Variants in ZBTB18 observed in about 807,000 individuals in gnomAD.
The protein encoded by ZBTB18 is zinc finger and BTB domain containing 18.
ZBTB18 carries 2 observed loss-of-function variants against 37.7 expected under a neutral mutation model. The ratio of observed to expected loss-of-function variants is 0.05; its 90% confidence interval spans 0.02 to 0.17. The LOEUF (loss-of-function observed/expected upper bound fraction) is 0.17, where lower values mean the gene tolerates loss of function less well. Ranked by LOEUF, ZBTB18 falls within the 10% of genes least tolerant of loss-of-function variation. ZBTB18 has a pLI of 1.00. For missense variants in ZBTB18, 408 were observed against 686.3 expected (o/e 0.59, Z 4.53); for synonymous variants, 304 against 276.5 (o/e 1.10, Z -0.99).
At position 244,053,785 on chromosome 1, in the gene ZBTB18, C is replaced by A. The variant is rs1325807562; in HGVS notation, c.14-3C>A. 6.2e-7 allele frequency: 1 copy of A among 1,603,046 alleles called. No individual in the cohort carries two copies. The highest frequency in any genetic ancestry group is 1.3e-5 in the African/African-American group (1 of 74,566). Reference sequence around the variant, plus strand: ...CTCTAATGAGAAATTCCTCTCTCCCCAGGTTATGAAGACAGTATGGAGTTT... The same window carrying A: ...CTCTAATGAGAAATTCCTCTCTCCCAAGGTTATGAAGACAGTATGGAGTTT... On this transcript the variant is annotated splice_polypyrimidine_tract_variant and splice_region_variant and intron_variant, in intron 1 of 1. Coordinates refer to ENST00000358704, the MANE Select transcript of ZBTB18 (RefSeq NM_205768.3). This position sits in a 1 kb window ranked among gnomAD's most constrained non-coding sequence, Gnocchi z 5.2.
chr1:244,055,306 C>T lies in ZBTB18; in HGVS notation c.1532C>T (p.Ala511Val), dbSNP rs1190832110. ...AACTCCTTGTCGGTCAAAAGCGAAGCACTGAGCTTGCCTACTGTCAGAGAC... is the reference window on the plus strand; with the variant it reads ...AACTCCTTGTCGGTCAAAAGCGAAGTACTGAGCTTGCCTACTGTCAGAGAC... ...LVNSLSVKSE[A>V]LSLPTVRDWT... Residue 511 changes from alanine to valine, a missense_variant, in exon 2 of 2, where the codon GCA (alanine) becomes GTA (valine). Ala to Val is a moderately conservative substitution (Grantham distance 64, BLOSUM62 0). This residue lies in a region of ZBTB18 where 22 missense variants were observed against 38.3 expected (regional missense o/e 0.57). Coordinates refer to ENST00000358704, the MANE Select transcript of ZBTB18 (RefSeq NM_205768.3). The surrounding 1 kb of genome is among the most constrained non-coding windows in gnomAD (Gnocchi z 7.0). The T allele has an allele frequency of 1.2e-6, 2 of 1,613,350 alleles. No homozygotes were observed. Among genetic ancestry groups the T allele is most frequent in the East Asian group, 2.2e-5 (1 of 44,850 alleles).
rs1374988858 is a variant in ZBTB18, at chr1:244,056,283, G to C, written c.*913G>C. ...ATAACACCATTTGGAAAAAAAAACT[G>C]GTGTTATGAAGAACGTAAATGCACT... On this transcript the variant is annotated 3_prime_UTR_variant, in exon 2 of 2. Coordinates refer to ENST00000358704, the MANE Select transcript of ZBTB18 (RefSeq NM_205768.3). The C allele has an allele frequency of 6.0e-6, 1 of 166,870 alleles. No individual in the cohort carries two copies. Among genetic ancestry groups the C allele is most frequent in the Non-Finnish European group, 1.5e-5 (1 of 68,066 alleles). The allele number at this position is 166,870 out of a possible 1,614,324, so 10.3% of individuals were successfully genotyped here. A position where few individuals can be genotyped will look rare whatever the true frequency, so the allele number is the denominator to read the frequency against.
chr1:244,055,289 G>C lies in ZBTB18; in HGVS notation c.1515G>C (p.Leu505Phe). 1 of 1,613,774 alleles carries C rather than the reference G, an allele frequency of 6.2e-7. No homozygotes were observed. The highest frequency in any genetic ancestry group is 8.5e-7 in the Non-Finnish European group (1 of 1,179,944). Reference sequence around the variant, plus strand: ...TCCACTGTGAGTTGGTGAACTCCTTGTCGGTCAAAAGCGAAGCACTGAGCT... The same window carrying C: ...TCCACTGTGAGTTGGTGAACTCCTTCTCGGTCAAAAGCGAAGCACTGAGCT... Reference protein sequence around the residue: ...RKFHCELVNSLSVKSEALSLP... With the variant: ...RKFHCELVNSFSVKSEALSLP... The change falls in exon 2 of 2, where the codon TTG becomes TTC. Residue 505 changes from leucine (L) to phenylalanine (F), a missense_variant. Leu to Phe is a conservative substitution (Grantham distance 22). Around this residue, in one of 4 missense-constraint regions of ZBTB18, gnomAD observed 22 missense variants for 38.3 expected, o/e 0.57. Transcript: ENST00000358704. The surrounding 1 kb of genome is among the most constrained non-coding windows in gnomAD (Gnocchi z 7.0).
At chr1:244,052,443 A>C (rs1444197174) in intron 1 of ZBTB18, among the ~76,000 whole-genome samples, 1 of 152,236 alleles carries the variant, frequency 6.6e-6, no homozygotes, top group Non-Finnish European at 1.5e-5. Flanking sequence ...TCTTGGGCAA[A>C]GTGTAGAAGA....
upstream of ZBTB18, chr1:244,051,282 T>C: frequency 1.4e-6 from 1 of 728,218 alleles, no homozygotes; most frequent in South Asian, 1.9e-5. Context: ...GACAGGGAGT[T>C]AGTGTGTGCG....
Position 244,054,661 on chromosome 1 carries a change from C to G in ZBTB18, c.887C>G (p.Thr296Ser). The change falls in exon 2 of 2, where the codon ACT (threonine) becomes AGT (serine). Residue 296 changes from threonine to serine, a missense_variant. Thr to Ser is a moderately conservative substitution (Grantham distance 58). Around this residue, in one of 4 missense-constraint regions of ZBTB18, gnomAD observed 266 missense variants for 312.0 expected, o/e 0.85. Coordinates refer to ENST00000358704, the MANE Select transcript of ZBTB18 (RefSeq NM_205768.3). The surrounding 1 kb of genome is among the most constrained non-coding windows in gnomAD (Gnocchi z 9.0). ...TCCTGTGATGAGAGTGATGTTGGCACTAATGACTATGACATGGAACATAGC... is the reference window on the plus strand; with the variant it reads ...TCCTGTGATGAGAGTGATGTTGGCAGTAATGACTATGACATGGAACATAGC... ...EASCDESDVG[T>S]NDYDMEHSTV... 6.2e-7 allele frequency: 1 copy of G among 1,614,212 alleles called. No individual in the cohort carries two copies. Among genetic ancestry groups the G allele is most frequent in the Non-Finnish European group, 8.5e-7 (1 of 1,180,038 alleles).
At position 244,053,881 on chromosome 1, in the gene ZBTB18, C is replaced by T; in HGVS notation, c.107C>T (p.Thr36Ile). Residue 36 changes from threonine (T) to isoleucine (I), a missense_variant, in exon 2 of 2, where the codon ACT (threonine) becomes ATT (isoleucine). Coordinates refer to ENST00000358704, the MANE Select transcript of ZBTB18 (RefSeq NM_205768.3). The surrounding 1 kb of genome is among the most constrained non-coding windows in gnomAD (Gnocchi z 5.2). ...CACCAGGGTTTTCTTTGTGACTGCACTGTTCTGGTGGGAGATGCCCAGTTC... is the reference window on the plus strand; with the variant it reads ...CACCAGGGTTTTCTTTGTGACTGCATTGTTCTGGTGGGAGATGCCCAGTTC... The part of the protein sequence containing the change: ...QRHQGFLCDC[T>I]VLVGDAQFRA... The T allele has an allele frequency of 6.2e-7, 1 of 1,614,148 alleles. No homozygotes were observed. Among genetic ancestry groups the T allele is most frequent in the Non-Finnish European group, 8.5e-7 (1 of 1,180,044 alleles).
At chr1:244,051,680 TAAG>T (rs139814352) in intron 1 of ZBTB18, among the ~76,000 whole-genome samples, 2,946 of 152,328 alleles carry the variant, frequency 0.019, 84 homozygotes, top group African/African-American at 0.067. Flanking sequence ...TTTGAAATGT[TAAG>T]AAAGGCTTTA....
Position 244,051,395 on chromosome 1 carries a change from G to A in ZBTB18, c.-37G>A. 1 of 1,613,666 alleles carries A rather than the reference G, an allele frequency of 6.2e-7. No homozygotes were observed. The highest frequency in any genetic ancestry group is 8.5e-7 in the Non-Finnish European group (1 of 1,179,840). ...TTTCCACCGATGTAACAGACCTGGAGCCAGCAGGACTCAGAGGAAAGGACT... is the reference window on the plus strand; with the variant it reads ...TTTCCACCGATGTAACAGACCTGGAACCAGCAGGACTCAGAGGAAAGGACT... On this transcript the variant is annotated 5_prime_UTR_variant, in exon 1 of 2. Coordinates refer to ENST00000358704, the MANE Select transcript of ZBTB18 (RefSeq NM_205768.3).
At position 244,055,716 on chromosome 1, in the gene ZBTB18, GTTTT is replaced by G. The variant is rs1345182836; in HGVS notation, c.*350_*353del. On this transcript the variant is annotated 3_prime_UTR_variant, in exon 2 of 2. Coordinates refer to ENST00000358704, the MANE Select transcript of ZBTB18 (RefSeq NM_205768.3). This position sits in a 1 kb window ranked among gnomAD's most constrained non-coding sequence, Gnocchi z 7.0. Reference sequence around the variant, plus strand: ...GAGCTCTTTTTTCCCCCCCAACAAAGTTTTTTTGTTTTTTGTTTTTTTTTTTAAG... The same window carrying G: ...GAGCTCTTTTTTCCCCCCCAACAAAGTTTGTTTTTTGTTTTTTTTTTTAAG... The G allele has an allele frequency of 6.1e-6, 1 of 164,932 alleles. No homozygotes were observed. Among genetic ancestry groups the G allele is most frequent in the Admixed American group, 6.6e-5 (1 of 15,138 alleles). The allele number at this position is 164,932 out of a possible 1,614,324, so 10.2% of individuals were successfully genotyped here.
chr1:244,050,047 GTCAC>G (rs1247521345), upstream of ZBTB18, among the ~76,000 whole-genome samples: 1 of 152,250 alleles, frequency 6.6e-6, no homozygotes, highest in Non-Finnish European at 1.5e-5. Context: ...TCATAATTAT[GTCAC>G]TCACCGCGAA....
At chr1:244,049,487 C>T (rs1230103387), upstream of ZBTB18, among the ~76,000 whole-genome samples, 165 of 151,424 alleles carry the variant, frequency 1.1e-3, no homozygotes, top group African/African-American at 3.9e-3. Flanking sequence ...CCCTCCCGGG[C>T]TGGTGCAGTT....
chr1:244,054,990 G>A lies in ZBTB18; in HGVS notation c.1216G>A (p.Asp406Asn). ...IHLSTHFREQ[D>N]GIRSKPAADV... Reference sequence around the variant, plus strand: ...CCTGAGCACGCACTTCCGCGAGCAGGACGGCATCCGCAGCAAGCCCGCCGC... The same window carrying A: ...CCTGAGCACGCACTTCCGCGAGCAGAACGGCATCCGCAGCAAGCCCGCCGC... Residue 406 changes from aspartate (D) to asparagine (N), a missense_variant, in exon 2 of 2, where the codon GAC (aspartate) becomes AAC (asparagine). This residue lies in a region of ZBTB18 where 266 missense variants were observed against 312.0 expected (regional missense o/e 0.85). Transcript: ENST00000358704. This position sits in a 1 kb window ranked among gnomAD's most constrained non-coding sequence, Gnocchi z 9.0. 1 of 1,614,100 alleles carries A rather than the reference G, an allele frequency of 6.2e-7. No homozygotes were observed. Among genetic ancestry groups the A allele is most frequent in the Non-Finnish European group, 8.5e-7 (1 of 1,180,036 alleles).
rs1480170473 is a variant in ZBTB18, at chr1:244,055,997, G to A, written c.*627G>A. Reference sequence around the variant, plus strand: ...CACTGTCTTATGAAGGTTTGCTTGGGATGAAAAAGGATATTGCAGCTTCAG... The same window carrying A: ...CACTGTCTTATGAAGGTTTGCTTGGAATGAAAAAGGATATTGCAGCTTCAG... On this transcript the variant is annotated 3_prime_UTR_variant, in exon 2 of 2. Transcript: ENST00000358704. The surrounding 1 kb of genome is among the most constrained non-coding windows in gnomAD (Gnocchi z 7.0). 1 of 167,054 alleles carries A rather than the reference G, an allele frequency of 6.0e-6. No homozygotes were observed. Among genetic ancestry groups the A allele is most frequent in the Non-Finnish European group, 1.5e-5 (1 of 68,110 alleles). 10.3% of individuals were successfully genotyped at this position (167,054 alleles called of 1,614,324 possible). A position where few individuals can be genotyped will look rare whatever the true frequency, so the allele number is the denominator to read the frequency against.
In ZBTB18 at chr1:244,057,393, T is replaced by C. The variant is rs774241187; in HGVS notation, c.*2023T>C. 4 of 166,876 alleles carry C rather than the reference T, an allele frequency of 2.4e-5. No individual in the cohort carries two copies. The highest frequency in any genetic ancestry group is 9.6e-5 in the African/African-American group (4 of 41,468). 10.3% of individuals were successfully genotyped at this position (166,876 alleles called of 1,614,324 possible). A position where few individuals can be genotyped will look rare whatever the true frequency, so the allele number is the denominator to read the frequency against. On this transcript the variant is annotated 3_prime_UTR_variant, in exon 2 of 2. Transcript: ENST00000358704. The stretch of plus-strand genomic sequence containing the variant: ...TATTTTCCTGAGGGGGAATAACTTA[T>C]AATGCTGTTTAGTTTTGTACTATTG...
chr1:244,048,681 C>CCTCG (rs1467207264), upstream of ZBTB18, among the ~76,000 whole-genome samples: 2 of 145,016 alleles, frequency 1.4e-5, no homozygotes, highest in East Asian at 4.1e-4. Context: ...GCGCTCGCTC[C>CCTCG]CTCGCTCGCT....
chr1:244,052,687 G>A (rs1314379982), intron 1 of ZBTB18, among the ~76,000 whole-genome samples: 1 of 151,662 alleles, frequency 6.6e-6, no homozygotes, highest in Admixed American at 6.6e-5. Flanking sequence ...GGGCAATGAT[G>A]AATATTTGCA....
In ZBTB18 at chr1:244,057,461, T is replaced by A. The variant is rs891838344; in HGVS notation, c.*2091T>A. 1 of 166,002 alleles carries A rather than the reference T, an allele frequency of 6.0e-6. No individual in the cohort carries two copies. The highest frequency in any genetic ancestry group is 1.5e-5 in the Non-Finnish European group (1 of 68,118). 10.3% of individuals were successfully genotyped at this position (166,002 alleles called of 1,614,324 possible). ...TAAACTGTGTGCTAACTGCAATAAA[T>A]TATATGAACTGAGAATTTCTTGTGT... On this transcript the variant is annotated 3_prime_UTR_variant, in exon 2 of 2. Transcript: ENST00000358704.
At chr1:244,048,900 A>C (rs1303781665), upstream of ZBTB18, 1 of 159,502 alleles carries the variant, frequency 6.3e-6, no homozygotes, top group Non-Finnish European at 1.3e-5. Context: ...GAAGCCCACC[A>C]AGTCCGGCGG....
Sources: allele counts gnomAD v4.1 joint callset (sites outside exome capture counted in the v4.1 genomes callset), GRCh38; gene constraint gnomAD v4.1.1; regional missense constraint gnomAD v4.1.1; non-coding constraint Gnocchi (gnomAD v3.1); transcripts MANE v1.5; gene names NCBI Gene and HGNC (gene_info 2026-07-23, HGNC 2026-07-21).